KHDRBS2: variants seen among roughly 807,000 people sequenced by gnomAD.
The protein encoded by KHDRBS2 is KH domain-containing, RNA-binding, signal transduction-associated protein 2.
KHDRBS2 carries 26 observed loss-of-function variants against 44.3 expected under a neutral mutation model. That is an observed-to-expected ratio of 0.59 (90% CI 0.43 to 0.81). The LOEUF (loss-of-function observed/expected upper bound fraction) is 0.81, where lower values mean the gene tolerates loss of function less well. Among genes scored for constraint, KHDRBS2 ranks in the 40% least tolerant of loss-of-function variants. KHDRBS2 has a pLI of 0.00. For synonymous variants in KHDRBS2, 194 were observed against 151.1 expected (o/e 1.28, Z -2.08); for missense variants, 476 against 433.1 (o/e 1.10, Z -0.88).
intron 1 of KHDRBS2, among the ~76,000 whole-genome samples, chr6:62,241,818 T>C (rs1834729866): frequency 6.7e-6 from 1 of 149,546 alleles, no homozygotes; most frequent in Non-Finnish European, 1.5e-5. Context: ...CCAAGTACAG[T>C]AGAAGGGCAA....
At chr6:61,665,624 A>G in the KHDRBS2 span, among the ~76,000 whole-genome samples, 1 of 151,400 alleles carries the variant, frequency 6.6e-6, no homozygotes, top group Non-Finnish European at 1.5e-5. Flanking sequence ...ATGTTCTATT[A>G]AAGTCTGAAA....
intron 1 of KHDRBS2, among the ~76,000 whole-genome samples, chr6:62,178,284 C>T (rs763258310): frequency 2.0e-5 from 3 of 151,504 alleles, no homozygotes; most frequent in Non-Finnish European, 3.0e-5. Context: ...GAAAACCAAG[C>T]TTTGCTTGCT....
At chr6:61,642,140 C>G in the KHDRBS2 span, among the ~76,000 whole-genome samples, 1 of 152,240 alleles carries the variant, frequency 6.6e-6, no homozygotes, top group African/African-American at 2.4e-5. Context: ...TTCCTATTCC[C>G]TACTTCTGTA....
At chr6:61,890,575 T>G (rs554124295) in intron 6 of KHDRBS2, among the ~76,000 whole-genome samples, 64 of 152,322 alleles carry the variant, frequency 4.2e-4, no homozygotes, top group African/African-American at 1.4e-3. Flanking sequence ...CTTCTTAATT[T>G]TTAAAAACTG....
At chr6:61,558,530 C>T in the KHDRBS2 span, among the ~76,000 whole-genome samples, 1 of 152,086 alleles carries the variant, frequency 6.6e-6, no homozygotes, top group Non-Finnish European at 1.5e-5. Flanking sequence ...CCATTGCAGT[C>T]CAGCCTAGGT....
intron 6 of KHDRBS2, among the ~76,000 whole-genome samples, chr6:61,842,039 T>G (rs1474321250): frequency 6.6e-6 from 1 of 152,186 alleles, no homozygotes; most frequent in Non-Finnish European, 1.5e-5. Context: ...CTTTATATTC[T>G]TAGCTGTGTA....
chr6:62,279,100 T>A (rs185091239), intron 1 of KHDRBS2, among the ~76,000 whole-genome samples: 2 of 151,056 alleles, frequency 1.3e-5, no homozygotes, highest in East Asian at 1.9e-4. Flanking sequence ...TCTCAAAAAA[T>A]AAATAAATAA....
intron 1 of KHDRBS2, among the ~76,000 whole-genome samples, chr6:62,222,154 A>G (rs1281942833): frequency 1.3e-5 from 2 of 152,240 alleles, no homozygotes; most frequent in African/African-American, 4.8e-5. Flanking sequence ...GTAGAAAGGG[A>G]TTAGGTGTGC....
At chr6:61,984,255 T>A (rs1261806232) in intron 3 of KHDRBS2, among the ~76,000 whole-genome samples, 1 of 152,196 alleles carries the variant, frequency 6.6e-6, no homozygotes, top group Non-Finnish European at 1.5e-5. Flanking sequence ...ATTTATCCTA[T>A]GCTTCAATCA....
the KHDRBS2 span, among the ~76,000 whole-genome samples, chr6:61,545,908 G>A: frequency 6.6e-6 from 1 of 152,158 alleles, no homozygotes; most frequent in South Asian, 2.1e-4. Flanking sequence ...TTCAACCCAA[G>A]GGGAGAGGCC....
intron 1 of KHDRBS2, among the ~76,000 whole-genome samples, chr6:62,183,846 A>G (rs1373779705): frequency 1.3e-5 from 2 of 151,720 alleles, no homozygotes; most frequent in African/African-American, 4.8e-5. Context: ...GTTGTAAAAC[A>G]CCTAACTTTT....
At chr6:61,593,127 A>G in the KHDRBS2 span, among the ~76,000 whole-genome samples, 946 of 152,322 alleles carry the variant, frequency 6.2e-3, 9 homozygotes, top group African/African-American at 0.022. Context: ...GCAAACTGAC[A>G]GATGTTCTTA....
chr6:62,068,029 T>C (rs1262103808), intron 2 of KHDRBS2, among the ~76,000 whole-genome samples: 1 of 151,612 alleles, frequency 6.6e-6, no homozygotes, highest in Non-Finnish European at 1.5e-5. Flanking sequence ...TTTGTGTGAG[T>C]TGAATACTTT....
At chr6:62,149,232 TCA>T (rs1280961690) in intron 2 of KHDRBS2, among the ~76,000 whole-genome samples, 3 of 152,210 alleles carry the variant, frequency 2.0e-5, no homozygotes, top group Admixed American at 2.0e-4. Context: ...TCAATTGCAC[TCA>T]AAGTTGCTTA....
At chr6:61,965,079 G>T (rs1185205855) in intron 4 of KHDRBS2, among the ~76,000 whole-genome samples, 2 of 152,052 alleles carry the variant, frequency 1.3e-5, no homozygotes, top group African/African-American at 4.8e-5. Context: ...TGGAAAAGAG[G>T]AGTTTGATGT....
chr6:62,172,698 G>GAAAAA (rs33984802), intron 2 of KHDRBS2, among the ~76,000 whole-genome samples: 7 of 73,464 alleles, frequency 9.5e-5, no homozygotes, highest in East Asian at 4.6e-4. Context: ...CCAGCAAACT[G>GAAAAA]AAAAAAAAAA....
chr6:61,813,937 A>G (rs1346174112), intron 6 of KHDRBS2: 1 of 455,858 alleles, frequency 2.2e-6, no homozygotes, highest in Non-Finnish European at 4.4e-6. Context: ...ATTATTGTTC[A>G]GAATCCTGAT....
At position 61,869,727 on chromosome 6, in the gene KHDRBS2, G is replaced by A. The variant is rs555830418; in HGVS notation, c.810+24908C>T. Among the ~76,000 whole-genome samples the A allele has an allele frequency of 6.3e-3, 962 of 152,190 alleles. 5 individuals carry two copies. The highest frequency in any genetic ancestry group is 0.02 in the Middle Eastern group (6 of 294). On this transcript the variant is annotated intron_variant, in intron 6 of 8. Transcript: ENST00000281156. ...GGAGGGTGAGCCGAAGCAGGGTGGG[G>A]TGTCACCTTACCTGGGAAGCATAAG...
chr6:61,702,450 G>C (rs547273560), intron 7 of KHDRBS2, among the ~76,000 whole-genome samples: 1 of 151,940 alleles, frequency 6.6e-6, no homozygotes, highest in East Asian at 1.9e-4. Flanking sequence ...CCACTGAATT[G>C]TGAGACATCC....
Sources: allele counts gnomAD v4.1 joint callset (sites outside exome capture counted in the v4.1 genomes callset), GRCh38; gene constraint gnomAD v4.1.1; transcripts MANE v1.5; gene names NCBI Gene and HGNC (gene_info 2026-07-23, HGNC 2026-07-21).